Variants in SEC14L2 observed in about 807,000 individuals in gnomAD.
SEC14L2 encodes the protein SEC14-like protein 2.
In SEC14L2, 50 loss-of-function variants were observed where a neutral mutation model predicts 56.9. The observed-to-expected ratio is 0.88, with a 90% CI of 0.70 to 1.11. The LOEUF (loss-of-function observed/expected upper bound fraction) is 1.11. SEC14L2 is among the 50% of genes most tolerant of loss of function. The probability of loss-of-function intolerance (pLI) is 0.00; values close to 1 mark genes in which losing one functional copy is unlikely to be tolerated. For synonymous variants in SEC14L2, 179 were observed against 188.5 expected (o/e 0.95, Z 0.41); for missense variants, 414 against 500.7 (o/e 0.83, Z 1.65).
chr22:30,406,434 C>G, intron 3 of SEC14L2, 49 bp downstream of exon 3: 1 of 1,592,696 alleles, frequency 6.3e-7, no homozygotes, highest in Non-Finnish European at 8.6e-7. Context: ...CAGAATCACT[C>G]CTTGCGTGGA....
chr22:30,424,653 C>T lies in SEC14L2; in HGVS notation c.*2246C>T. 2.2e-6 allele frequency: 1 copy of T among 455,056 alleles called. No homozygotes were observed. Among genetic ancestry groups the T allele is most frequent in the Admixed American group, 2.4e-5 (1 of 42,440 alleles). 28.2% of individuals were successfully genotyped at this position (455,056 alleles called of 1,614,324 possible). ...TAAGTGCTCGTCAATGTTGGCTACT[C>T]TCATTTTTTTTGCAGACGTGGGAAC... On this transcript the variant is annotated 3_prime_UTR_variant, in exon 12 of 12. Coordinates refer to ENST00000615189, the MANE Select transcript of SEC14L2 (RefSeq NM_012429.5).
intron 1 of SEC14L2, among the ~76,000 whole-genome samples, chr22:30,398,971 C>A (rs1293755166): frequency 1.3e-5 from 2 of 152,192 alleles, no homozygotes; most frequent in Non-Finnish European, 2.9e-5. Flanking sequence ...AAGATCAGCG[C>A]TGAGCGACAG....
At chr22:30,397,800 T>A (rs1933800078) in intron 1 of SEC14L2, 1 of 469,266 alleles carries the variant, frequency 2.1e-6, no homozygotes, top group Admixed American at 2.4e-5. Flanking sequence ...AGACCAGCCG[T>A]CCCCTATCTT....
intron 2 of SEC14L2, chr22:30,400,562 A>G (rs1340473703): frequency 6.6e-6 from 1 of 152,092 alleles, no homozygotes; most frequent in African/African-American, 2.4e-5. Flanking sequence ...TTTCCCCTCT[A>G]TATAGAAATT....
intron 11 of SEC14L2, chr22:30,420,820 A>G (rs2146044322): frequency 6.6e-6 from 1 of 152,308 alleles, no homozygotes; most frequent in South Asian, 2.1e-4. Flanking sequence ...TTTTGTTTTC[A>G]CATTCAGTTC....
At chr22:30,408,804 G>A (rs1934167573) in intron 5 of SEC14L2, among the ~76,000 whole-genome samples, 1 of 152,232 alleles carries the variant, frequency 6.6e-6, no homozygotes, top group African/African-American at 2.4e-5. Context: ...CATTAGACGT[G>A]GATGCACCCC....
intron 8 of SEC14L2, among the ~76,000 whole-genome samples, chr22:30,411,854 C>CA (rs1407107784): frequency 1.3e-5 from 2 of 150,550 alleles, no homozygotes; most frequent in Non-Finnish European, 2.9e-5. Flanking sequence ...GGGGAAACCA[C>CA]AAAGTGCATG....
rs763797796 is a variant in SEC14L2 at position 30,406,361 on chromosome 22, G to A, written c.150G>A (p.Gln50=). ...RWLRARSFDL[Q]KSEAMLRKHV... Reference sequence around the variant, plus strand: ...TTACAGCCAGAAGCTTCGACCTGCAGAAGTCGGAGGCCATGCTCCGGAAGG... The same window carrying A: ...TTACAGCCAGAAGCTTCGACCTGCAAAAGTCGGAGGCCATGCTCCGGAAGG... Residue 50 remains glutamine, a synonymous_variant, in exon 3 of 12, where the codon CAG becomes CAA. Transcript: ENST00000615189. The A allele has an allele frequency of 5.3e-5, 86 of 1,613,974 alleles. No homozygotes were observed. The highest frequency in any genetic ancestry group is 6.4e-5 in the Non-Finnish European group (76 of 1,179,996).
Position 30,422,467 on chromosome 22 carries a change from G to GT in SEC14L2, c.*61dup. On this transcript the variant is annotated 3_prime_UTR_variant, in exon 12 of 12. Transcript: ENST00000615189. ...GTCTCCCTGTCAATTTCTACCCCTT[G>GT]TAGCAGTCATTTTCGCACAACCCTG... is the stretch of plus-strand genomic sequence containing the variant. 6.2e-7 allele frequency: 1 copy of GT among 1,601,140 alleles called. No individual in the cohort carries two copies. Among genetic ancestry groups the GT allele is most frequent in the Non-Finnish European group, 8.5e-7 (1 of 1,173,450 alleles).
At chr22:30,417,731 G>A (rs1467476495) in intron 11 of SEC14L2, among the ~76,000 whole-genome samples, 2 of 152,134 alleles carry the variant, frequency 1.3e-5, no homozygotes, top group African/African-American at 4.8e-5. Flanking sequence ...CGGGAGATGG[G>A]AGAAGCCCTG....
intron 5 of SEC14L2, among the ~76,000 whole-genome samples, chr22:30,408,622 A>G (rs904615657): frequency 6.6e-6 from 1 of 152,158 alleles, no homozygotes; most frequent in Non-Finnish European, 1.5e-5. Flanking sequence ...TACTGAGAAA[A>G]AGACTGAAGA....
chr22:30,400,514 G>A (rs1371674772), intron 2 of SEC14L2: 1 of 152,116 alleles, frequency 6.6e-6, no homozygotes, highest in Non-Finnish European at 1.5e-5. Flanking sequence ...CTGTGATTCA[G>A]GTCATGTGCC....
At position 30,424,993 on chromosome 22, in the gene SEC14L2, C is replaced by G. The variant is rs906793731; in HGVS notation, c.*2586C>G. The G allele has an allele frequency of 8.0e-6, 3 of 374,716 alleles. No homozygotes were observed. The highest frequency in any genetic ancestry group is 5.4e-4 in the Middle Eastern group (1 of 1,848). The allele number at this position is 374,716 out of a possible 1,614,324, so 23.2% of individuals were successfully genotyped here. ...AGTGCTTCCTAGTTATACATGGCGA[C>G]TGCTGAGAAGGGACTCCAGAGTCCA... is the stretch of plus-strand genomic sequence containing the variant. On this transcript the variant is annotated 3_prime_UTR_variant, in exon 12 of 12. Transcript: ENST00000615189.
chr22:30,416,555 T>G, intron 11 of SEC14L2, 152 bp downstream of exon 11: 1 of 1,521,778 alleles, frequency 6.6e-7, no homozygotes, highest in Non-Finnish European at 8.8e-7. Context: ...GATGAAGAAA[T>G]CTAGCCTTGG....
Position 30,407,543 on chromosome 22 carries a change from G to A in SEC14L2, c.363G>A (p.Leu121=). The A allele has an allele frequency of 6.2e-7, 1 of 1,614,164 alleles. No homozygotes were observed. Among genetic ancestry groups the A allele is most frequent in the Admixed American group, 1.7e-5 (1 of 60,024 alleles). The change falls in exon 5 of 12, where the codon CTG becomes CTA. Residue 121 remains leucine (L), a synonymous_variant. Coordinates refer to ENST00000615189, the MANE Select transcript of SEC14L2 (RefSeq NM_012429.5). ...LLFSASKQDL[L]RTKMRECELL... ...TCTCAGCCTCCAAACAGGACCTGCT[G>A]AGGACCAAGATGCGGGAGTGTGAGC...
chr22:30,409,589 G>A, intron 7 of SEC14L2, 103 bp downstream of exon 7: 2 of 1,109,492 alleles, frequency 1.8e-6, no homozygotes, highest in Non-Finnish European at 2.8e-6. Flanking sequence ...GAGGGGGTCT[G>A]AGGACATGTT....
intron 5 of SEC14L2, 120 bp downstream of exon 5, chr22:30,407,723 T>TC: frequency 1.1e-6 from 1 of 920,264 alleles, no homozygotes; most frequent in East Asian, 2.9e-5. Context: ...CTTTTTTTTT[T>TC]TTTTTTTAAT....
intron 11 of SEC14L2, among the ~76,000 whole-genome samples, chr22:30,418,852 G>C (rs1284938251): frequency 2.6e-5 from 4 of 152,236 alleles, no homozygotes; most frequent in Non-Finnish European, 4.4e-5. Context: ...CAGTCATCCA[G>C]TGGAGAAATT....
At chr22:30,404,716 G>C (rs571154829) in intron 2 of SEC14L2, among the ~76,000 whole-genome samples, 10 of 152,278 alleles carry the variant, frequency 6.6e-5, no homozygotes, top group Admixed American at 6.5e-5. Context: ...AGGTGAAAAG[G>C]ATTTGGGGGG....
Sources: allele counts gnomAD v4.1 joint callset (sites outside exome capture counted in the v4.1 genomes callset), GRCh38; gene constraint gnomAD v4.1.1; transcripts MANE v1.5; gene names NCBI Gene and HGNC (gene_info 2026-07-23, HGNC 2026-07-21).